The following SCAF11 variants were observed in gnomAD, a reference collection of about 807,000 sequenced individuals.
SCAF11 encodes the protein SR-related CTD associated factor 11.
Under a neutral mutation model 140.5 loss-of-function variants are expected in SCAF11, and 47 were observed. The ratio of observed to expected loss-of-function variants is 0.33; its 90% CI spans 0.26 to 0.43. The LOEUF is 0.43. SCAF11 is among the 20% of genes least tolerant of loss of function. The pLI is 1.00. For missense variants in SCAF11, 1,645 were observed against 1,705.1 expected (o/e 0.96, Z 0.62); for synonymous variants, 557 against 579.4 (o/e 0.96, Z 0.55).
rs776704476 is a variant in SCAF11 at position 45,926,545 on chromosome 12, A to G, written c.3156T>C (p.Asn1052=). The G allele has an allele frequency of 3.7e-6, 6 of 1,613,058 alleles. No individual in the cohort carries two copies. In the South Asian group the frequency reaches 4.4e-5, roughly 12 times the overall value. The change falls in exon 11 of 15, where the codon AAT becomes AAC. Residue 1052 remains asparagine (N), a synonymous_variant. Coordinates refer to ENST00000369367, the MANE Select transcript of SCAF11 (RefSeq NM_004719.3). ...LKESHWEENR[N]ENSGNSWNKN... The stretch of plus-strand genomic sequence containing the variant: ...TATTCCAAGAATTTCCTGAATTTTC[A>G]TTTCTATTTTCTTCCCAATGAGACT...
chr12:45,986,637 C>T (rs1326212419), intron 1 of SCAF11, among the ~76,000 whole-genome samples: 1 of 152,128 alleles, frequency 6.6e-6, no homozygotes, highest in Non-Finnish European at 1.5e-5. Flanking sequence ...TATGGTTTGG[C>T]TGTGTCCCCA....
chr12:45,954,936 C>T (rs907667752), intron 3 of SCAF11: 16 of 122,550 alleles, frequency 1.3e-4, no homozygotes, highest in African/African-American at 4.0e-4. Context: ...TAAGATTCCC[C>T]CCCTTTTTTT....
intron 3 of SCAF11, among the ~76,000 whole-genome samples, chr12:45,957,709 A>G (rs951345181): frequency 2.0e-5 from 3 of 152,188 alleles, no homozygotes; most frequent in African/African-American, 7.2e-5. Flanking sequence ...AATATTTTAT[A>G]TTATGTAAAA....
chr12:45,957,480 T>A (rs928903255), intron 3 of SCAF11, among the ~76,000 whole-genome samples: 1 of 152,210 alleles, frequency 6.6e-6, no homozygotes, highest in Non-Finnish European at 1.5e-5. Context: ...CTTCAAGAAC[T>A]GCATGTCACC....
intron 1 of SCAF11, among the ~76,000 whole-genome samples, chr12:45,968,507 GAAGGTATT>G (rs1248529873): frequency 2.6e-5 from 4 of 151,888 alleles, no homozygotes; most frequent in African/African-American, 9.7e-5. Context: ...TATCATATAA[GAAGGTATT>G]AAAGCTTGGA....
At chr12:45,935,809 G>C (rs1345715532) in intron 6 of SCAF11, among the ~76,000 whole-genome samples, 1 of 152,136 alleles carries the variant, frequency 6.6e-6, no homozygotes, top group East Asian at 1.9e-4. Context: ...GTAATTCTCA[G>C]GTAATTACTC....
rs759509603 is a variant in SCAF11 at position 45,922,899 on chromosome 12, A to T, written c.4125+37T>A. The T allele has an allele frequency of 3.5e-5, 55 of 1,569,288 alleles. No homozygotes were observed. The South Asian group carries it at 5.9e-4, about 17-fold the overall frequency. On this transcript the variant is annotated intron_variant, in intron 13 of 14. Coordinates refer to ENST00000369367, the MANE Select transcript of SCAF11 (RefSeq NM_004719.3). ...TGATATTTTTTCTCCTTTATCATAT[A>T]CAGAATTATGAAGGTTGCTCTCAAC... is the stretch of plus-strand genomic sequence containing the variant.
intron 3 of SCAF11, chr12:45,956,251 A>G: frequency 1.4e-6 from 1 of 691,576 alleles, no homozygotes; most frequent in Non-Finnish European, 2.7e-6. Flanking sequence ...CTCAATACCT[A>G]TGTTTATAGG....
intron 12 of SCAF11, among the ~76,000 whole-genome samples, chr12:45,924,252 T>C (rs1328145405): frequency 1.3e-5 from 2 of 152,214 alleles, no homozygotes; most frequent in African/African-American, 4.8e-5. Context: ...CTTTTTAGCA[T>C]GATAAATTCA....
Position 45,930,456 on chromosome 12 carries a change from G to GTT in SCAF11, c.841+1048_841+1049dup, listed in dbSNP as rs35174436. Reference sequence around the variant, plus strand: ...TTGCGTTGTGTTTTGTTTTTTTTTTGTTTTTTTTTTTTTTTGAGACAGGCT... The same window carrying GTT: ...TTGCGTTGTGTTTTGTTTTTTTTTTGTTTTTTTTTTTTTTTTTGAGACAGGCT... On this transcript the variant is annotated intron_variant, in intron 10 of 14. Transcript: ENST00000369367. 6.1e-3 allele frequency among the ~76,000 whole-genome samples: 795 copies of GTT among 130,638 alleles called. 12 individuals are homozygous for GTT. Among genetic ancestry groups the GTT allele is most frequent in the African/African-American group, 0.02 (712 of 35,186 alleles). The allele number at this position is 130,638 out of a possible 152,430, so 85.7% of individuals were successfully genotyped here. A position where few individuals can be genotyped will look rare whatever the true frequency, so the allele number is the denominator to read the frequency against.
intron 6 of SCAF11, among the ~76,000 whole-genome samples, chr12:45,936,457 T>G (rs1178228759): frequency 2.6e-5 from 4 of 152,080 alleles, no homozygotes; most frequent in Non-Finnish European, 5.9e-5. Flanking sequence ...CATTCAGGTA[T>G]TTTCCTAGGG....
At chr12:45,931,723 A>G in intron 9 of SCAF11, 111 bp from the exon 10 acceptor site, 1 of 504,036 alleles carries the variant, frequency 2.0e-6, no homozygotes, top group Non-Finnish European at 3.4e-6. Context: ...ACAGTGCTTA[A>G]ATGTTTTTTG....
intron 6 of SCAF11, among the ~76,000 whole-genome samples, chr12:45,942,587 T>C (rs1032529290): frequency 6.6e-5 from 10 of 152,114 alleles, no homozygotes; most frequent in Non-Finnish European, 1.0e-4. Context: ...ACTAACTTCC[T>C]TGCTATTCTT....
intron 5 of SCAF11, among the ~76,000 whole-genome samples, chr12:45,947,665 G>A (rs1214148981): frequency 6.6e-6 from 1 of 152,074 alleles, no homozygotes; most frequent in East Asian, 1.9e-4. Flanking sequence ...CAAAAATGAG[G>A]GTAAGCATTC....
chr12:45,975,179 G>C (rs180673142), intron 1 of SCAF11: 1 of 152,204 alleles, frequency 6.6e-6, no homozygotes, highest in East Asian at 1.9e-4. Flanking sequence ...ATAGAGCACA[G>C]AGTAGATTCA....
chr12:45,988,904 T>A (rs760107848), intron 1 of SCAF11, among the ~76,000 whole-genome samples: 3 of 152,062 alleles, frequency 2.0e-5, no homozygotes, highest in African/African-American at 7.2e-5. Context: ...TCACATTGCA[T>A]AAAAAATATA....
chr12:45,967,145 T>C (rs1945968402), intron 1 of SCAF11, among the ~76,000 whole-genome samples: 1 of 152,042 alleles, frequency 6.6e-6, no homozygotes, highest in African/African-American at 2.4e-5. Context: ...CCTAGCTACT[T>C]AGGAGGCCGA....
chr12:45,969,391 T>C (rs1175351513), intron 1 of SCAF11, among the ~76,000 whole-genome samples: 1 of 152,152 alleles, frequency 6.6e-6, no homozygotes, highest in Non-Finnish European at 1.5e-5. Context: ...CAGAGCTCCT[T>C]TCCCTTCCAG....
chr12:45,924,648 CCTTT>C, intron 12 of SCAF11, 76 bp downstream of exon 12: 1 of 1,111,284 alleles, frequency 9.0e-7, no homozygotes. Context: ...TGCCAGGATG[CCTTT>C]TTTTGAACAT....
Sources: allele counts gnomAD v4.1 joint callset (sites outside exome capture counted in the v4.1 genomes callset), GRCh38; gene constraint gnomAD v4.1.1; transcripts MANE v1.5; gene names NCBI Gene and HGNC (gene_info 2026-07-23, HGNC 2026-07-21).